SLC5A3: variants seen among roughly 807,000 people sequenced by gnomAD.
SLC5A3 encodes sodium/myo-inositol cotransporter.
Under a neutral mutation model 43.2 loss-of-function variants are expected in SLC5A3, and 10 were observed. The observed-to-expected ratio is 0.23, with a 90% CI of 0.14 to 0.39. The LOEUF is 0.39. SLC5A3 is among the 10% of genes least tolerant of loss of function. SLC5A3 has a pLI of 1.00. For missense variants in SLC5A3, 608 were observed against 893.4 expected, an observed-to-expected ratio of 0.68 and a Z score of 4.07; for synonymous variants, 349 against 322.0, an observed-to-expected ratio of 1.08 and a Z score of -0.90.
chr21:34,089,713 G>A (rs902289132), intron 1 of SLC5A3, among the ~76,000 whole-genome samples: 1 of 152,092 alleles, frequency 6.6e-6, no homozygotes, highest in Non-Finnish European at 1.5e-5. Context: ...GGTGGTAGAG[G>A]GTTGGGAGGA....
At position 34,100,248 on chromosome 21, in the gene SLC5A3, A is replaced by G. The variant is rs985787971; in HGVS notation, c.*2893A>G. ...TTCTTAGACTTTTGTCTTCTCAGGC[A>G]ATTTTCATCTCAAGATCTGATGAGA... On this transcript the variant is annotated 3_prime_UTR_variant, in exon 2 of 2. Transcript: ENST00000381151. 7.0e-6 allele frequency: 7 copies of G among 1,000,028 alleles called. No homozygotes were observed. Among genetic ancestry groups the G allele is most frequent in the African/African-American group, 3.5e-5 (2 of 57,226 alleles). The allele number at this position is 1,000,028 out of a possible 1,614,324, so 61.9% of individuals were successfully genotyped here.
chr21:34,081,475 A>G (rs1157776698), intron 1 of SLC5A3, among the ~76,000 whole-genome samples: 1 of 152,164 alleles, frequency 6.6e-6, no homozygotes, highest in African/African-American at 2.4e-5. Context: ...TTTGTTTTCT[A>G]TTATAAATGA....
At chr21:34,075,543 G>C (rs944258913) in intron 1 of SLC5A3, among the ~76,000 whole-genome samples, 21 of 151,514 alleles carry the variant, frequency 1.4e-4, no homozygotes, top group Non-Finnish European at 2.5e-4. Flanking sequence ...GGGAAGGGGG[G>C]CAAAAAAAAG....
At position 34,097,580 on chromosome 21, in the gene SLC5A3, TGTG is replaced by T. The variant is rs1478942811; in HGVS notation, c.*228_*230del. 7.7e-7 allele frequency: 1 copy of T among 1,291,052 alleles called. No homozygotes were observed. The highest frequency in any genetic ancestry group is 1.5e-5 in the African/African-American group (1 of 65,418). The allele number at this position is 1,291,052 out of a possible 1,614,324, so 80.0% of individuals were successfully genotyped here. A position where few individuals can be genotyped will look rare whatever the true frequency, so the allele number is the denominator to read the frequency against. On this transcript the variant is annotated 3_prime_UTR_variant, in exon 2 of 2. Transcript: ENST00000381151. ...AACCTAACAGACTGAATTGTGCAAA[TGTG>T]GTTTTAAATTTTGCATACCAAAGTA... is the stretch of plus-strand genomic sequence containing the variant.
chr21:34,099,403 A>G lies in SLC5A3; in HGVS notation c.*2048A>G. On this transcript the variant is annotated 3_prime_UTR_variant, in exon 2 of 2. Transcript: ENST00000381151. ...TGTCAATGTTTTGTCCTGTTTTTTCAAAGGAACTGTTCTTCCTTTGGGACA... is the reference window on the plus strand; with the variant it reads ...TGTCAATGTTTTGTCCTGTTTTTTCGAAGGAACTGTTCTTCCTTTGGGACA... 5.0e-6 allele frequency: 5 copies of G among 1,000,206 alleles called. No homozygotes were observed. Among genetic ancestry groups the G allele is most frequent in the Non-Finnish European group, 6.0e-6 (5 of 829,954 alleles). The allele number at this position is 1,000,206 out of a possible 1,614,324, so 62.0% of individuals were successfully genotyped here.
intron 1 of SLC5A3, among the ~76,000 whole-genome samples, chr21:34,075,358 A>T (rs1989302369): frequency 1.3e-5 from 2 of 152,224 alleles, no homozygotes; most frequent in Admixed American, 6.5e-5. Flanking sequence ...ATAGTTGCCA[A>T]GTATCTTGGT....
At chr21:34,077,638 A>C (rs1287605170) in intron 1 of SLC5A3, among the ~76,000 whole-genome samples, 1 of 152,192 alleles carries the variant, frequency 6.6e-6, no homozygotes, top group African/African-American at 2.4e-5. Context: ...GGAAATCTTA[A>C]GTTCTTATTA....
Position 34,095,240 on chromosome 21 carries a change from C to T in SLC5A3, c.42C>T (p.Ala14=), listed in dbSNP as rs148860859. 4.5e-5 allele frequency: 73 copies of T among 1,613,626 alleles called. No individual in the cohort carries two copies. In the African/African-American group the frequency reaches 8.1e-4, roughly 18 times the overall value. Reference sequence around the variant, plus strand: ...ACACAGCAGACATTGCCATAGTGGCCCTGTATTTTATCCTGGTCATGTGCA... The same window carrying T: ...ACACAGCAGACATTGCCATAGTGGCTCTGTATTTTATCCTGGTCATGTGCA... The part of the protein sequence containing the change: ...VLDTADIAIV[A]LYFILVMCIG... Residue 14 remains alanine (A), a synonymous_variant, in exon 2 of 2, where the codon GCC becomes GCT. Transcript: ENST00000381151.
At position 34,103,018 on chromosome 21, in the gene SLC5A3, G is replaced by A. The variant is rs552914494; in HGVS notation, c.*5663G>A. ...CTCTTAGACAGAGTAGTCTAGATAA[G>A]TTTTCAATTTATCAACATAGCCTAG... On this transcript the variant is annotated 3_prime_UTR_variant, in exon 2 of 2. Coordinates refer to ENST00000381151, the MANE Select transcript of SLC5A3 (RefSeq NM_006933.7). 9.0e-6 allele frequency: 9 copies of A among 999,410 alleles called. No homozygotes were observed. In the South Asian group the frequency reaches 2.8e-4, roughly 31 times the overall value. 61.9% of individuals were successfully genotyped at this position (999,410 alleles called of 1,614,324 possible). A position where few individuals can be genotyped will look rare whatever the true frequency, so the allele number is the denominator to read the frequency against.
At position 34,079,907 on chromosome 21, in the gene SLC5A3, A is replaced by C. The variant is rs118053703; in HGVS notation, c.-337+6162A>C. Among the ~76,000 whole-genome samples the C allele has an allele frequency of 1.6e-4, 24 of 152,152 alleles. No individual in the cohort carries two copies. In the East Asian group the frequency reaches 4.6e-3, roughly 29 times the overall value. On this transcript the variant is annotated intron_variant, in intron 1 of 1. Transcript: ENST00000381151. ...AACTTAATGTGTTGCCTATCCCCAA[A>C]GTTGCCTCTGTTATTGCTTATTTCT... is the stretch of plus-strand genomic sequence containing the variant.
Position 34,101,475 on chromosome 21 carries a change from A to G in SLC5A3, c.*4120A>G, listed in dbSNP as rs1979234853. 2.0e-6 allele frequency: 2 copies of G among 999,978 alleles called. No homozygotes were observed. Among genetic ancestry groups the G allele is most frequent in the Non-Finnish European group, 2.4e-6 (2 of 829,864 alleles). 61.9% of individuals were successfully genotyped at this position (999,978 alleles called of 1,614,324 possible). On this transcript the variant is annotated 3_prime_UTR_variant, in exon 2 of 2. Transcript: ENST00000381151. The stretch of plus-strand genomic sequence containing the variant: ...GGTTGTTGAAGGCATTTCAGTGTTG[A>G]TAATAGCCTGAGCAGACTTCTTTAC...
Position 34,097,466 on chromosome 21 carries a change from C to T in SLC5A3, c.*111C>T. 2.8e-6 allele frequency: 4 copies of T among 1,454,166 alleles called. No individual in the cohort carries two copies. The highest frequency in any genetic ancestry group is 2.6e-5 in the Admixed American group (1 of 38,312). 90.1% of individuals were successfully genotyped at this position (1,454,166 alleles called of 1,614,324 possible). ...CATTGTTTACGCTGTAGGTTTTAGC[C>T]AAATTTTACTTAGCAGAAAATCATC... On this transcript the variant is annotated 3_prime_UTR_variant, in exon 2 of 2. Transcript: ENST00000381151.
At chr21:34,091,715 A>C (rs1978703180) in intron 1 of SLC5A3, among the ~76,000 whole-genome samples, 1 of 152,202 alleles carries the variant, frequency 6.6e-6, no homozygotes, top group South Asian at 2.1e-4. Context: ...ACTTTCTGAG[A>C]AGGATGCCTT....
chr21:34,085,100 T>C (rs1978324517), intron 1 of SLC5A3, among the ~76,000 whole-genome samples: 1 of 152,186 alleles, frequency 6.6e-6, no homozygotes, highest in African/African-American at 2.4e-5. Context: ...AGTAATAGTT[T>C]TTAGTGTTTT....
In SLC5A3 at chr21:34,103,633, C is replaced by T. The variant is rs573488621; in HGVS notation, c.*6278C>T. On this transcript the variant is annotated 3_prime_UTR_variant, in exon 2 of 2. Coordinates refer to ENST00000381151, the MANE Select transcript of SLC5A3 (RefSeq NM_006933.7). ...TAGAAAGCACAAGACTAATAGTATTCTCTGTATCCCACAAGTGCCAGTCAT... is the reference window on the plus strand; with the variant it reads ...TAGAAAGCACAAGACTAATAGTATTTTCTGTATCCCACAAGTGCCAGTCAT... 2 of 1,000,072 alleles carry T rather than the reference C, an allele frequency of 2.0e-6. No homozygotes were observed. The highest frequency in any genetic ancestry group is 1.7e-5 in the African/African-American group (1 of 57,324). 61.9% of individuals were successfully genotyped at this position (1,000,072 alleles called of 1,614,324 possible).
chr21:34,097,749 T>A lies in SLC5A3; in HGVS notation c.*394T>A. ...AGATTTGCTCATTTCTAAATTTTTT[T>A]TTCTGTCTCTGTAATCCCTCCTACC... On this transcript the variant is annotated 3_prime_UTR_variant, in exon 2 of 2. Coordinates refer to ENST00000381151, the MANE Select transcript of SLC5A3 (RefSeq NM_006933.7). 2.0e-6 allele frequency: 2 copies of A among 1,005,444 alleles called. No individual in the cohort carries two copies. 62.3% of individuals were successfully genotyped at this position (1,005,444 alleles called of 1,614,324 possible).
rs145442773 is a variant in SLC5A3, at chr21:34,102,740, C to T, written c.*5385C>T. The T allele has an allele frequency of 3.0e-6, 3 of 1,000,116 alleles. No individual in the cohort carries two copies. The highest frequency in any genetic ancestry group is 1.1e-4 in the East Asian group (1 of 8,818). The allele number at this position is 1,000,116 out of a possible 1,614,324, so 62.0% of individuals were successfully genotyped here. A position where few individuals can be genotyped will look rare whatever the true frequency, so the allele number is the denominator to read the frequency against. ...CAAAACACAGTGGTCTCAGATTTTT[C>T]GTAGTGTGGGAACAGTGGTTTTGCT... On this transcript the variant is annotated 3_prime_UTR_variant, in exon 2 of 2. Transcript: ENST00000381151.
At position 34,073,703 on chromosome 21, in the gene SLC5A3, G is replaced by A; in HGVS notation, c.-379G>A. The stretch of plus-strand genomic sequence containing the variant: ...CCGCACTCGCCGATCCTCCAGGCAT[G>A]CCCCGCTACGAGCTGGCTTTAATCC... On this transcript the variant is annotated 5_prime_UTR_variant, in exon 1 of 2. It removes an upstream start codon present in the reference 5' UTR. Transcript: ENST00000381151. 1 of 1,525,998 alleles carries A rather than the reference G, an allele frequency of 6.6e-7. No individual in the cohort carries two copies. The highest frequency in any genetic ancestry group is 1.1e-5 in the South Asian group (1 of 87,252). 94.5% of individuals were successfully genotyped at this position (1,525,998 alleles called of 1,614,324 possible).
intron 1 of SLC5A3, among the ~76,000 whole-genome samples, chr21:34,094,655 C>T (rs1231148038): frequency 6.6e-6 from 1 of 152,134 alleles, no homozygotes; most frequent in Non-Finnish European, 1.5e-5. Flanking sequence ...GTCCTCAGCT[C>T]AAAATGATAA....
Sources: gnomAD v4.1 joint callset for allele counts (sites outside exome capture counted in the v4.1 genomes callset) on GRCh38, gnomAD v4.1.1 for gene constraint, MANE v1.5 for transcripts, NCBI Gene and HGNC (gene_info 2026-07-23, HGNC 2026-07-21) for gene names.